The following FOXO1 variants were observed in gnomAD, a reference collection of about 807,000 sequenced individuals.
The protein encoded by FOXO1 is forkhead box O1.
In FOXO1, 6 loss-of-function variants were observed where a neutral mutation model predicts 44.1. The observed-to-expected ratio is 0.14, with a 90% CI of 0.07 to 0.27. The LOEUF (loss-of-function observed/expected upper bound fraction) is 0.27. FOXO1 is among the 10% of genes least tolerant of loss of function. FOXO1 has a pLI of 1.00. For missense variants in FOXO1, 737 were observed against 888.8 expected, an observed-to-expected ratio of 0.83 and a Z score of 2.17; for synonymous variants, 380 against 362.7, an observed-to-expected ratio of 1.05 and a Z score of -0.54.
chr13:40,588,663 C>T (rs1385058826), intron 1 of FOXO1, among the ~76,000 whole-genome samples: 1 of 152,200 alleles, frequency 6.6e-6, no homozygotes, highest in Non-Finnish European at 1.5e-5. Context: ...CCCACCCCGG[C>T]AGAGGCCCCA....
intron 1 of FOXO1, among the ~76,000 whole-genome samples, chr13:40,605,157 T>C (rs1385280593): frequency 1.3e-5 from 2 of 152,050 alleles, no homozygotes; most frequent in East Asian, 1.9e-4. Context: ...CCAATCCTCA[T>C]TTTTAGTCAC....
intron 1 of FOXO1, among the ~76,000 whole-genome samples, chr13:40,602,230 A>C (rs191087204): frequency 8.6e-4 from 131 of 152,320 alleles, no homozygotes; most frequent in African/African-American, 2.9e-3. Context: ...TGAGCAAAAG[A>C]AATGTAGCAA....
chr13:40,665,828 CGGGCGGCGG>C lies in FOXO1; in HGVS notation c.376_384del (p.Pro126_Pro128del), dbSNP rs1458711189. 1.7e-6 allele frequency: 2 copies of C among 1,169,706 alleles called. No individual in the cohort carries two copies. Among genetic ancestry groups the C allele is most frequent in the Admixed American group, 4.7e-5 (1 of 21,238 alleles). 72.5% of individuals were successfully genotyped at this position (1,169,706 alleles called of 1,614,324 possible). On this transcript the variant is annotated inframe_deletion, in exon 1 of 3. Transcript: ENST00000379561. ...ACCGGCGGGTGCTGCGACAGCGGCC[CGGGCGGCGG>C]GGGCTGCGGTGGCGCTGGGTGCAGG... is the stretch of plus-strand genomic sequence containing the variant.
At chr13:40,585,851 G>A (rs944842758) in intron 1 of FOXO1, among the ~76,000 whole-genome samples, 4 of 152,138 alleles carry the variant, frequency 2.6e-5, no homozygotes, top group Non-Finnish European at 5.9e-5. Context: ...AAAAACAAAC[G>A]GTGTCTTTTG....
At chr13:40,632,964 A>C (rs573124196) in intron 1 of FOXO1, among the ~76,000 whole-genome samples, 11 of 152,140 alleles carry the variant, frequency 7.2e-5, no homozygotes, top group African/African-American at 2.2e-4. Flanking sequence ...CTGAGTAGAT[A>C]TCTCTCCAAA....
At chr13:40,597,508 A>G (rs1875627482) in intron 1 of FOXO1, among the ~76,000 whole-genome samples, 1 of 152,182 alleles carries the variant, frequency 6.6e-6, no homozygotes, top group African/African-American at 2.4e-5. Context: ...AGGACCTGTA[A>G]AGGACAGCCC....
At chr13:40,603,426 A>T (rs563631145) in intron 1 of FOXO1, among the ~76,000 whole-genome samples, 10 of 151,898 alleles carry the variant, frequency 6.6e-5, no homozygotes, top group African/African-American at 2.4e-4. Context: ...ATAAATAAAA[A>T]GTATGTATAC....
intron 1 of FOXO1, among the ~76,000 whole-genome samples, chr13:40,628,224 T>A (rs986062540): frequency 1.1e-4 from 16 of 152,190 alleles, no homozygotes; most frequent in African/African-American, 3.9e-4. Context: ...GGAGTAAACT[T>A]TTCAGGGTGA....
chr13:40,621,713 T>C (rs1348184395), intron 1 of FOXO1, among the ~76,000 whole-genome samples: 1 of 152,242 alleles, frequency 6.6e-6, no homozygotes, highest in Non-Finnish European at 1.5e-5. Flanking sequence ...TCAAGTTTCA[T>C]AGGCTTAGTA....
rs1296347531 is a variant in FOXO1 at position 40,557,266 on chromosome 13, G to A, written c.*1783C>T. On this transcript the variant is annotated 3_prime_UTR_variant, in exon 3 of 3. Transcript: ENST00000379561. ...TGTTCTCTTCATTGTGATGACTTTGGGCTTTCCACATGACTTGAAAATACT... is the reference window on the plus strand; with the variant it reads ...TGTTCTCTTCATTGTGATGACTTTGAGCTTTCCACATGACTTGAAAATACT... The A allele has an allele frequency of 6.6e-6, 1 of 152,120 alleles. No individual in the cohort carries two copies. Among genetic ancestry groups the A allele is most frequent in the East Asian group, 1.9e-4 (1 of 5,198 alleles). The allele number at this position is 152,120 out of a possible 1,614,324, so 9.4% of individuals were successfully genotyped here. A position where few individuals can be genotyped will look rare whatever the true frequency, so the allele number is the denominator to read the frequency against.
intron 1 of FOXO1, among the ~76,000 whole-genome samples, chr13:40,597,532 C>T (rs1875628495): frequency 6.6e-6 from 1 of 152,162 alleles, no homozygotes; most frequent in African/African-American, 2.4e-5. Flanking sequence ...ACCTGGAGGC[C>T]CTTAGTCATG....
intron 1 of FOXO1, among the ~76,000 whole-genome samples, chr13:40,580,803 T>C (rs1459113217): frequency 6.6e-6 from 1 of 152,176 alleles, no homozygotes; most frequent in Non-Finnish European, 1.5e-5. Flanking sequence ...GATGCTGTCA[T>C]TTGAAGGTGA....
At chr13:40,599,180 C>A (rs1875718905) in intron 1 of FOXO1, among the ~76,000 whole-genome samples, 3 of 135,520 alleles carry the variant, frequency 2.2e-5, no homozygotes, top group East Asian at 2.3e-4. Context: ...ACCAACTGAA[C>A]AAAACATGGC....
intron 1 of FOXO1, among the ~76,000 whole-genome samples, chr13:40,592,151 T>C (rs531129165): frequency 2.0e-5 from 3 of 152,350 alleles, no homozygotes; most frequent in Admixed American, 6.5e-5. Flanking sequence ...ATATTACCTA[T>C]GCATTACTCT....
At chr13:40,567,858 C>G (rs534624065) in intron 1 of FOXO1, among the ~76,000 whole-genome samples, 1 of 151,956 alleles carries the variant, frequency 6.6e-6, no homozygotes, top group African/African-American at 2.4e-5. Flanking sequence ...GTCCCAGGTA[C>G]TCGGGAGACT....
chr13:40,588,583 T>C (rs1033960904), intron 1 of FOXO1, among the ~76,000 whole-genome samples: 6 of 152,158 alleles, frequency 3.9e-5, no homozygotes, highest in African/African-American at 1.4e-4. Flanking sequence ...AAAGTTATCC[T>C]AAGAAGACCC....
chr13:40,636,488 A>G (rs1303612570), intron 1 of FOXO1, among the ~76,000 whole-genome samples: 1 of 151,150 alleles, frequency 6.6e-6, no homozygotes, highest in East Asian at 1.9e-4. Flanking sequence ...TGGTCGATAT[A>G]GCAAGATCCC....
At chr13:40,617,824 T>C (rs978704137) in intron 1 of FOXO1, among the ~76,000 whole-genome samples, 3 of 152,238 alleles carry the variant, frequency 2.0e-5, no homozygotes, top group African/African-American at 7.2e-5. Flanking sequence ...AAGCATTAAG[T>C]GTTCTGTACA....
intron 1 of FOXO1, among the ~76,000 whole-genome samples, chr13:40,653,115 A>AC (rs1041981700): frequency 6.6e-6 from 1 of 151,830 alleles, no homozygotes. Context: ...GATTACAGAC[A>AC]CGCACCACCA....
Sources: allele counts gnomAD v4.1 joint callset (sites outside exome capture counted in the v4.1 genomes callset), GRCh38; gene constraint gnomAD v4.1.1; transcripts MANE v1.5; gene names NCBI Gene and HGNC (gene_info 2026-07-23, HGNC 2026-07-21).